ABAT: variants seen among roughly 807,000 people sequenced by gnomAD.
ABAT encodes the protein 4-aminobutyrate aminotransferase, also known as 4-aminobutyrate aminotransferase, mitochondrial.
In ABAT, 45 loss-of-function variants were observed where a neutral mutation model predicts 64.6. That is an observed-to-expected ratio of 0.70 (90% CI 0.55 to 0.89). ABAT has a LOEUF of 0.89. Among genes scored for constraint, ABAT ranks in the 40% least tolerant of loss-of-function variants. The pLI is 0.00. For synonymous variants in ABAT, 297 were observed against 250.5 expected, an observed-to-expected ratio of 1.19 and a Z score of -1.75; for missense variants, 633 against 658.4, an observed-to-expected ratio of 0.96 and a Z score of 0.42.
chr16:8,779,402 G>C, intron 14 of ABAT, 77 bp from the exon 15 acceptor site: 1 of 1,286,220 alleles, frequency 7.8e-7, no homozygotes, highest in Non-Finnish European at 1.1e-6. Context: ...GGAGGCCTTT[G>C]ACGAAGCACA....
chr16:8,707,883 A>T (rs74008007), intron 1 of ABAT, among the ~76,000 whole-genome samples: 1 of 152,108 alleles, frequency 6.6e-6, no homozygotes, highest in Non-Finnish European at 1.5e-5. Context: ...AGTTAGGGAT[A>T]TTGGCAACCC....
intron 1 of ABAT, among the ~76,000 whole-genome samples, chr16:8,726,336 C>G (rs1309926444): frequency 6.8e-6 from 1 of 147,360 alleles, no homozygotes; most frequent in African/African-American, 2.5e-5. Context: ...TCTCGGCTCA[C>G]TGCAACCTCT....
intron 2 of ABAT, chr16:8,736,627 C>T (rs2058946418): frequency 6.6e-6 from 1 of 152,544 alleles, no homozygotes; most frequent in Non-Finnish European, 1.5e-5. Context: ...CTCACCCCCA[C>T]TCTGCCCCAC....
intron 1 of ABAT, among the ~76,000 whole-genome samples, chr16:8,717,065 G>A (rs562662602): frequency 6.6e-6 from 1 of 152,308 alleles, no homozygotes; most frequent in South Asian, 2.1e-4. Context: ...CAAGGCGGGT[G>A]GATCACTTGA....
At chr16:8,708,043 A>C (rs978050153) in intron 1 of ABAT, among the ~76,000 whole-genome samples, 1 of 152,178 alleles carries the variant, frequency 6.6e-6, no homozygotes, top group Non-Finnish European at 1.5e-5. Context: ...GAACCAGTGG[A>C]CTTCCTGATA....
In ABAT at chr16:8,732,218, T is replaced by C. The variant is rs868553452; in HGVS notation, c.-41-3481T>C. On this transcript the variant is annotated intron_variant, in intron 1 of 15. Transcript: ENST00000268251. ...TTTGTTTTTTTTTTTTGTTTGTTTG[T>C]TTTTTTAATTTATTTATTTTTTATT... is the stretch of plus-strand genomic sequence containing the variant. Among the ~76,000 whole-genome samples, 19 of 125,346 alleles carry C rather than the reference T, an allele frequency of 1.5e-4. No homozygotes were observed. The South Asian group carries it at 5.3e-3, about 35-fold the overall frequency. The allele number at this position is 125,346 out of a possible 152,430, so 82.2% of individuals were successfully genotyped here.
chr16:8,748,250 G>T, intron 4 of ABAT, 113 bp downstream of exon 4: 2 of 1,007,316 alleles, frequency 2.0e-6, no homozygotes, highest in South Asian at 1.5e-5. Context: ...GTTGACTTTT[G>T]TTCTAAACAT....
chr16:8,721,399 C>T (rs757024836), intron 1 of ABAT, among the ~76,000 whole-genome samples: 1 of 152,168 alleles, frequency 6.6e-6, no homozygotes, highest in Non-Finnish European at 1.5e-5. Flanking sequence ...GCCTCCGAGC[C>T]TCCAGAGCTT....
intron 8 of ABAT, chr16:8,765,706 CAAA>C (rs111981859): frequency 6.6e-6 from 1 of 152,532 alleles, no homozygotes. Flanking sequence ...AAAACAAAAA[CAAA>C]AAAAACCCTT....
intron 2 of ABAT, chr16:8,738,539 G>A (rs79514757): frequency 0.11 from 46,741 of 427,828 alleles, 2,941 homozygotes; most frequent in South Asian, 0.17. Context: ...TATTCTTCTC[G>A]ACCTGGGTGG....
Position 8,782,481 on chromosome 16 carries a change from C to G in ABAT, c.*1051C>G, listed in dbSNP as rs1275277312. 6.6e-6 allele frequency: 1 copy of G among 152,260 alleles called. No homozygotes were observed. Among genetic ancestry groups the G allele is most frequent in the Non-Finnish European group, 1.5e-5 (1 of 68,066 alleles). The allele number at this position is 152,260 out of a possible 1,614,324, so 9.4% of individuals were successfully genotyped here. A position where few individuals can be genotyped will look rare whatever the true frequency, so the allele number is the denominator to read the frequency against. On this transcript the variant is annotated 3_prime_UTR_variant, in exon 16 of 16. Coordinates refer to ENST00000268251, the MANE Select transcript of ABAT (RefSeq NM_020686.6). Reference sequence around the variant, plus strand: ...CAGAGCAGAGGGAATCATTGCTGGACTGGATTTCTTCTGGAGGGAAGCACC... The same window carrying G: ...CAGAGCAGAGGGAATCATTGCTGGAGTGGATTTCTTCTGGAGGGAAGCACC...
At chr16:8,740,678 G>T (rs975444695) in intron 2 of ABAT, among the ~76,000 whole-genome samples, 1 of 152,202 alleles carries the variant, frequency 6.6e-6, no homozygotes, top group Non-Finnish European at 1.5e-5. Flanking sequence ...ATCTGACATG[G>T]TGTTCCCAAT....
At chr16:8,693,326 C>T (rs1392301025) in intron 1 of ABAT, among the ~76,000 whole-genome samples, 2 of 152,090 alleles carry the variant, frequency 1.3e-5, no homozygotes, top group African/African-American at 4.8e-5. Context: ...CTAGGCTACA[C>T]AGTTTGTCTT....
Position 8,776,963 on chromosome 16 carries a change from A to G in ABAT, c.1269+473A>G, listed in dbSNP as rs373209774. 1.6e-4 allele frequency among the ~76,000 whole-genome samples: 25 copies of G among 152,172 alleles called. No homozygotes were observed. In the East Asian group the frequency reaches 4.4e-3, roughly 27 times the overall value. Reference sequence around the variant, plus strand: ...ACCCAGGCTGGAGTGCAGTGGCGCAATCTCAGCTCACCGCAACCGCTGCCT... The same window carrying G: ...ACCCAGGCTGGAGTGCAGTGGCGCAGTCTCAGCTCACCGCAACCGCTGCCT... On this transcript the variant is annotated intron_variant, in intron 14 of 15. Transcript: ENST00000268251. The surrounding 1 kb of genome is among the most constrained non-coding windows in gnomAD (Gnocchi z 4.4).
chr16:8,756,186 C>G (rs1418298483), intron 5 of ABAT, among the ~76,000 whole-genome samples: 2 of 152,096 alleles, frequency 1.3e-5, no homozygotes, highest in Middle Eastern at 3.2e-3. Context: ...TGCCACTGCA[C>G]TCCAGCCTGG....
In ABAT at chr16:8,776,468, T is replaced by C; in HGVS notation, c.1247T>C (p.Leu416Pro). ...NNAAHAGKAL[L>P]TGLLDLQARY... is the part of the protein sequence containing the mutation. ...GCAGCCCATGCCGGGAAGGCCCTGC[T>C]CACAGGACTGCTGGACCTCCAGGTA... Residue 416 changes from leucine to proline, a missense_variant, in exon 14 of 16, where the codon CTC (leucine) becomes CCC (proline). Coordinates refer to ENST00000268251, the MANE Select transcript of ABAT (RefSeq NM_020686.6). The surrounding 1 kb of genome is among the most constrained non-coding windows in gnomAD (Gnocchi z 4.4). 6.2e-7 allele frequency: 1 copy of C among 1,614,116 alleles called. No individual in the cohort carries two copies. Among genetic ancestry groups the C allele is most frequent in the Non-Finnish European group, 8.5e-7 (1 of 1,180,014 alleles).
intron 4 of ABAT, 137 bp downstream of exon 4, chr16:8,748,274 C>G: frequency 1.4e-6 from 1 of 722,396 alleles, no homozygotes; most frequent in East Asian, 2.8e-5. Context: ...TTCTCATTTC[C>G]TTTGTGATTT....
intron 1 of ABAT, chr16:8,713,065 A>G (rs2241103): frequency 0.14 from 21,217 of 152,116 alleles, 2,235 homozygotes; most frequent in East Asian, 0.46. Flanking sequence ...CGCTCCCGGT[A>G]GGTTCCTCCC....
chr16:8,730,101 G>C (rs78551081), intron 1 of ABAT, among the ~76,000 whole-genome samples: 1 of 152,168 alleles, frequency 6.6e-6, no homozygotes, highest in African/African-American at 2.4e-5. Context: ...TCTTCTAGGA[G>C]CTGCCTCCTA....
Sources: allele counts gnomAD v4.1 joint callset (sites outside exome capture counted in the v4.1 genomes callset), GRCh38; gene constraint gnomAD v4.1.1; non-coding constraint Gnocchi (gnomAD v3.1); transcripts MANE v1.5; gene names NCBI Gene and HGNC (gene_info 2026-07-23, HGNC 2026-07-21).